AKR1C8: variants seen among roughly 807,000 people sequenced by gnomAD.
AKR1C8 encodes the protein aldo-keto reductase family 1 member C-like protein 1.
the AKR1C8 span, among the ~76,000 whole-genome samples, chr10:5,149,911 G>T: frequency 1.3e-5 from 2 of 151,906 alleles, no homozygotes; most frequent in East Asian, 1.9e-4. Flanking sequence ...TCTCAAAAAA[G>T]AATATTTTAC....
the AKR1C8 span, among the ~76,000 whole-genome samples, chr10:5,169,709 T>C: frequency 1.3e-5 from 2 of 151,936 alleles, no homozygotes; most frequent in Non-Finnish European, 2.9e-5. Flanking sequence ...CAGTATATAG[T>C]CCTACCGCAA....
the AKR1C8 span, among the ~76,000 whole-genome samples, chr10:5,179,596 C>T: frequency 3.3e-4 from 50 of 149,546 alleles, no homozygotes; most frequent in African/African-American, 1.3e-3. Flanking sequence ...TTCCATTCTC[C>T]CCATCACTTT....
At chr10:5,147,947 A>G in the AKR1C8 span, among the ~76,000 whole-genome samples, 2 of 152,194 alleles carry the variant, frequency 1.3e-5, no homozygotes, top group African/African-American at 4.8e-5. Context: ...GCCTCCACCC[A>G]TGCATTAGGC....
chr10:5,123,536 G>A, the AKR1C8 span: 449 of 606,908 alleles, frequency 7.4e-4, 4 homozygotes, highest in East Asian at 0.01. Flanking sequence ...GCACCAGAGC[G>A]TCTCAAGTGA....
chr10:5,181,326 C>CA, the AKR1C8 span, among the ~76,000 whole-genome samples: 1 of 152,096 alleles, frequency 6.6e-6, no homozygotes. Context: ...TTCTTTTGAA[C>CA]AAGATTTTCA....
chr10:5,147,487 C>T, the AKR1C8 span, among the ~76,000 whole-genome samples: 3 of 151,844 alleles, frequency 2.0e-5, no homozygotes, highest in Non-Finnish European at 2.9e-5. Context: ...AGTACAACAT[C>T]GTTATCAGTT....
At chr10:5,149,114 G>A in the AKR1C8 span, among the ~76,000 whole-genome samples, 1 of 151,924 alleles carries the variant, frequency 6.6e-6, no homozygotes, top group African/African-American at 2.4e-5. Context: ...GAAAGTAGTA[G>A]AAAAAAATGA....
the AKR1C8 span, among the ~76,000 whole-genome samples, chr10:5,138,242 T>G: frequency 6.6e-6 from 1 of 151,970 alleles, no homozygotes; most frequent in African/African-American, 2.4e-5. Flanking sequence ...CTCAACCACA[T>G]AAGAAAAACA....
the AKR1C8 span, among the ~76,000 whole-genome samples, chr10:5,171,921 C>A: frequency 6.6e-6 from 1 of 152,098 alleles, no homozygotes; most frequent in Non-Finnish European, 1.5e-5. Context: ...ACTTTTCTTA[C>A]ACACCTTGCA....
At chr10:5,122,240 C>G in the AKR1C8 span, 46 of 282,784 alleles carry the variant, frequency 1.6e-4, no homozygotes, top group Non-Finnish European at 2.9e-4. Flanking sequence ...AAGGACTTTG[C>G]AAGGGGCAAA....
chr10:5,147,804 G>T, the AKR1C8 span, among the ~76,000 whole-genome samples: 16 of 152,292 alleles, frequency 1.1e-4, no homozygotes, highest in East Asian at 3.1e-3. Flanking sequence ...GTTTCAAGCT[G>T]CCAAAGGGTC....
chr10:5,169,290 T>G, the AKR1C8 span, among the ~76,000 whole-genome samples: 2 of 152,096 alleles, frequency 1.3e-5, no homozygotes, highest in African/African-American at 2.4e-5. Flanking sequence ...CCAGACCCTA[T>G]AGTTATGAAA....
chr10:5,170,194 G>A, the AKR1C8 span, among the ~76,000 whole-genome samples: 1 of 152,058 alleles, frequency 6.6e-6, no homozygotes, highest in African/African-American at 2.4e-5. Context: ...TCGGTTTACA[G>A]GACTTTAGGA....
the AKR1C8 span, among the ~76,000 whole-genome samples, chr10:5,148,408 G>T: frequency 6.6e-6 from 1 of 152,140 alleles, no homozygotes; most frequent in Admixed American, 6.6e-5. Flanking sequence ...TCTATTAGAG[G>T]TTTGTTTTGG....
At chr10:5,116,120 A>AAT in the AKR1C8 span, among the ~76,000 whole-genome samples, 2 of 152,128 alleles carry the variant, frequency 1.3e-5, no homozygotes, top group African/African-American at 2.4e-5. Context: ...ACAGCATGGT[A>AAT]ATACTAAGCG....
chr10:5,151,767 G>A, the AKR1C8 span, among the ~76,000 whole-genome samples: 1 of 152,070 alleles, frequency 6.6e-6, no homozygotes, highest in Non-Finnish European at 1.5e-5. Flanking sequence ...ATGTTGGCCA[G>A]GCTGGTCTTA....
the AKR1C8 span, among the ~76,000 whole-genome samples, chr10:5,156,182 A>C: frequency 6.6e-6 from 1 of 152,150 alleles, no homozygotes; most frequent in Non-Finnish European, 1.5e-5. Context: ...AGAGCCTTAG[A>C]ACACAGGAAA....
chr10:5,142,929 A>G, the AKR1C8 span, among the ~76,000 whole-genome samples: 4,800 of 152,098 alleles, frequency 0.032, 255 homozygotes, highest in African/African-American at 0.11. Flanking sequence ...AAAAAAATAC[A>G]GTATCTTTGA....
chr10:5,155,884 T>C, the AKR1C8 span: 4 of 356,514 alleles, frequency 1.1e-5, no homozygotes. Flanking sequence ...CCTCATCAGC[T>C]TCCAGGTGCA....
Sources: gnomAD v4.1 joint callset for allele counts (sites outside exome capture counted in the v4.1 genomes callset) on GRCh38, gnomAD v4.1.1 for gene constraint, MANE v1.5 for transcripts, NCBI Gene and HGNC (gene_info 2026-07-23, HGNC 2026-07-21) for gene names.